The following PDGFC variants were observed in gnomAD, a reference collection of about 807,000 sequenced individuals.
PDGFC encodes platelet derived growth factor C, also known as platelet-derived growth factor C.
In PDGFC, 12 loss-of-function variants were observed where a neutral mutation model predicts 35.5. That is an observed-to-expected ratio of 0.34 (90% CI 0.22 to 0.55). The LOEUF is 0.55. PDGFC is among the 20% of genes least tolerant of loss of function. The pLI is 0.91. For missense variants in PDGFC, 322 were observed against 412.4 expected (o/e 0.78, Z 1.90); for synonymous variants, 159 against 148.8 (o/e 1.07, Z -0.50).
chr4:156,934,747 T>A (rs1314921985), intron 1 of PDGFC, among the ~76,000 whole-genome samples: 1 of 152,214 alleles, frequency 6.6e-6, no homozygotes, highest in East Asian at 1.9e-4. Context: ...AAATTTTTTT[T>A]ATTTTGTTTT....
At chr4:156,920,365 T>G (rs1560873413) in intron 1 of PDGFC, among the ~76,000 whole-genome samples, 1 of 152,172 alleles carries the variant, frequency 6.6e-6, no homozygotes, top group Admixed American at 6.5e-5. Context: ...CTCTGTGAGG[T>G]AGCCGTTAAT....
intron 3 of PDGFC, among the ~76,000 whole-genome samples, chr4:156,785,478 T>C (rs185647131): frequency 1.3e-5 from 2 of 152,286 alleles, no homozygotes; most frequent in African/African-American, 2.4e-5. Flanking sequence ...CCTCCCAAAG[T>C]GCTGGGATTA....
intron 1 of PDGFC, among the ~76,000 whole-genome samples, chr4:156,950,949 C>G (rs369018093): frequency 6.6e-6 from 1 of 151,802 alleles, no homozygotes; most frequent in Non-Finnish European, 1.5e-5. Flanking sequence ...GAGTAACTAC[C>G]AAGCCCTGAT....
chr4:156,908,714 C>T (rs1009289309), intron 1 of PDGFC, among the ~76,000 whole-genome samples: 1 of 152,118 alleles, frequency 6.6e-6, no homozygotes, highest in Admixed American at 6.5e-5. Flanking sequence ...TTAATTATTC[C>T]CATCCAAGCC....
chr4:156,779,741 G>A (rs1019140276), intron 3 of PDGFC, among the ~76,000 whole-genome samples: 5 of 152,044 alleles, frequency 3.3e-5, no homozygotes, highest in South Asian at 4.2e-4. Context: ...CAACTGCTAC[G>A]GACTCACTTT....
chr4:156,951,042 T>C (rs1732068180), intron 1 of PDGFC, among the ~76,000 whole-genome samples: 1 of 151,942 alleles, frequency 6.6e-6, no homozygotes, highest in Admixed American at 6.6e-5. Flanking sequence ...ACTGTATTTT[T>C]ATCTCCAGAG....
intron 1 of PDGFC, among the ~76,000 whole-genome samples, chr4:156,958,252 T>C (rs1371632524): frequency 6.6e-6 from 1 of 151,352 alleles, no homozygotes; most frequent in African/African-American, 2.4e-5. Context: ...GTTTTCAAGA[T>C]CACAGAAAAT....
In PDGFC at chr4:156,772,885, T is replaced by A. The variant is rs772801694; in HGVS notation, c.504A>T (p.Thr168=). 3 of 1,608,816 alleles carry A rather than the reference T, an allele frequency of 1.9e-6. No individual in the cohort carries two copies. The highest frequency in any genetic ancestry group is 1.3e-5 in the African/African-American group (1 of 74,784). Reference sequence around the variant, plus strand: ...GTAGCACTGAAGGACTCACAGCTTCTGTGAATTGCTGAAAGTAAAATGAAT... The same window carrying A: ...GTAGCACTGAAGGACTCACAGCTTCAGTGAATTGCTGAAAGTAAAATGAAT... ...IHYNIVMPQF[T]EAVSPSVLPP... The change falls in exon 4 of 6, where the codon ACA becomes ACT. Residue 168 remains threonine (T), a synonymous_variant. Coordinates refer to ENST00000502773, the MANE Select transcript of PDGFC (RefSeq NM_016205.3).
chr4:156,936,469 A>G (rs898432230), intron 1 of PDGFC, among the ~76,000 whole-genome samples: 2 of 152,188 alleles, frequency 1.3e-5, no homozygotes, highest in Non-Finnish European at 2.9e-5. Flanking sequence ...AAAAAATACA[A>G]CAACAACAGT....
At chr4:156,820,052 T>C (rs1242833656) in intron 2 of PDGFC, among the ~76,000 whole-genome samples, 1 of 152,178 alleles carries the variant, frequency 6.6e-6, no homozygotes, top group Non-Finnish European at 1.5e-5. Flanking sequence ...CCTGAACAGG[T>C]AACTGAATTG....
intron 1 of PDGFC, among the ~76,000 whole-genome samples, chr4:156,914,283 C>T (rs773680653): frequency 1.3e-5 from 2 of 152,074 alleles, no homozygotes; most frequent in African/African-American, 4.8e-5. Context: ...GTGCTTCTAT[C>T]TGCTTGTCCT....
chr4:156,960,840 G>A lies in PDGFC; in HGVS notation c.118+9946C>T, dbSNP rs1579127692. Reference sequence around the variant, plus strand: ...CCAAAGGCAAATCACACTCTAGTAAGAGAGAGTCTTTAGCATGCTTCCATA... The same window carrying A: ...CCAAAGGCAAATCACACTCTAGTAAAAGAGAGTCTTTAGCATGCTTCCATA... On this transcript the variant is annotated intron_variant, in intron 1 of 5. Coordinates refer to ENST00000502773, the MANE Select transcript of PDGFC (RefSeq NM_016205.3). Among the ~76,000 whole-genome samples the A allele has an allele frequency of 2.0e-5, 3 of 152,004 alleles. No homozygotes were observed. In the South Asian group the frequency reaches 6.2e-4, roughly 31 times the overall value.
intron 1 of PDGFC, among the ~76,000 whole-genome samples, chr4:156,866,022 T>C (rs1729832747): frequency 6.6e-6 from 1 of 152,138 alleles, no homozygotes; most frequent in African/African-American, 2.4e-5. Context: ...TTGTTACATA[T>C]GTATACATGT....
At chr4:156,957,765 A>T (rs1442681442) in intron 1 of PDGFC, among the ~76,000 whole-genome samples, 1 of 151,988 alleles carries the variant, frequency 6.6e-6, no homozygotes, top group East Asian at 1.9e-4. Flanking sequence ...CTCAAGCCCA[A>T]GTCATACATC....
chr4:156,925,647 C>T (rs1374013090), intron 1 of PDGFC, among the ~76,000 whole-genome samples: 2 of 151,256 alleles, frequency 1.3e-5, no homozygotes, highest in African/African-American at 4.9e-5. Context: ...AGAGAAACAT[C>T]AGAACTCTAG....
At chr4:156,864,512 G>A (rs983747211) in intron 1 of PDGFC, among the ~76,000 whole-genome samples, 2 of 152,094 alleles carry the variant, frequency 1.3e-5, no homozygotes, top group African/African-American at 2.4e-5. Context: ...TGGGAAAAAC[G>A]TGTATACTAA....
intron 2 of PDGFC, among the ~76,000 whole-genome samples, chr4:156,825,551 AAATAATAATAATAATAATAATAAT>A (rs565531965): frequency 2.3e-4 from 22 of 93,948 alleles, no homozygotes; most frequent in African/African-American, 8.7e-4. Flanking sequence ...CCCTGTCTCC[AAATAATAATAATAATAATAATAAT>A]AATAATAATA....
chr4:156,820,325 C>A (rs1002570912), intron 2 of PDGFC, among the ~76,000 whole-genome samples: 1 of 152,146 alleles, frequency 6.6e-6, no homozygotes, highest in Admixed American at 6.5e-5. Context: ...AGAAATATTT[C>A]ATGGAAGTAA....
chr4:156,946,361 C>G (rs190357924), intron 1 of PDGFC, among the ~76,000 whole-genome samples: 199 of 152,076 alleles, frequency 1.3e-3, no homozygotes, highest in African/African-American at 4.4e-3. Context: ...GGAAAAGCAA[C>G]CAACCCACTT....
Sources: gnomAD v4.1 joint callset for allele counts (sites outside exome capture counted in the v4.1 genomes callset) on GRCh38, gnomAD v4.1.1 for gene constraint, MANE v1.5 for transcripts, NCBI Gene and HGNC (gene_info 2026-07-23, HGNC 2026-07-21) for gene names.